Variants in FAIM2 observed in about 807,000 individuals in gnomAD.
FAIM2 encodes Fas apoptotic inhibitory molecule 2, also known as protein lifeguard 2.
In FAIM2, 27 loss-of-function variants were observed where a neutral mutation model predicts 47.4. The observed-to-expected ratio is 0.57, with a 90% CI of 0.42 to 0.78. The LOEUF (loss-of-function observed/expected upper bound fraction) is 0.78. Among genes scored for constraint, FAIM2 ranks in the 30% least tolerant of loss-of-function variants. FAIM2 has a pLI of 0.00. For synonymous variants in FAIM2, 156 were observed against 159.3 expected, an observed-to-expected ratio of 0.98 and a Z score of 0.16; for missense variants, 311 against 389.4, an observed-to-expected ratio of 0.80 and a Z score of 1.69.
intron 11 of FAIM2, among the ~76,000 whole-genome samples, chr12:49,871,437 A>AC (rs1490369082): frequency 6.6e-6 from 1 of 151,140 alleles, no homozygotes; most frequent in Non-Finnish European, 1.5e-5. Flanking sequence ...GCGCTGTGTC[A>AC]CCCCCCTGCC....
rs1946762521 is a variant in FAIM2 at position 49,878,499 on chromosome 12, T to G, written c.802-7846A>C. Reference sequence around the variant, plus strand: ...GTGCATGTGTGTATATGTATGTGCATGTGTGTATATGTGTGCATATGACTG... The same window carrying G: ...GTGCATGTGTGTATATGTATGTGCAGGTGTGTATATGTGTGCATATGACTG... On this transcript the variant is annotated intron_variant, in intron 11 of 11. Transcript: ENST00000320634. Among the ~76,000 whole-genome samples the G allele has an allele frequency of 2.2e-5, 2 of 89,440 alleles. 1 individual carries two copies. Among genetic ancestry groups the G allele is most frequent in the Admixed American group, 2.8e-4 (2 of 7,044 alleles). 58.7% of individuals were successfully genotyped at this position (89,440 alleles called of 152,430 possible). A position where few individuals can be genotyped will look rare whatever the true frequency, so the allele number is the denominator to read the frequency against.
intron 5 of FAIM2, 36 bp from the exon 6 acceptor site, chr12:49,891,150 C>A: frequency 6.2e-7 from 1 of 1,601,736 alleles, no homozygotes; most frequent in Non-Finnish European, 8.6e-7. Flanking sequence ...GTCAGCCAGC[C>A]TCTCCTGGGT....
At chr12:49,895,988 G>A (rs1474368455) in intron 5 of FAIM2, among the ~76,000 whole-genome samples, 2 of 152,168 alleles carry the variant, frequency 1.3e-5, no homozygotes, top group Admixed American at 6.5e-5. Context: ...GTGCATTCTC[G>A]CCCCACGCTT....
At chr12:49,893,367 G>A (rs1377983035) in intron 5 of FAIM2, among the ~76,000 whole-genome samples, 3 of 152,128 alleles carry the variant, frequency 2.0e-5, no homozygotes, top group African/African-American at 7.2e-5. Flanking sequence ...TGAGGCCTGG[G>A]TTAGAGGGGG....
At chr12:49,884,237 A>C (rs1209293190) in intron 11 of FAIM2, among the ~76,000 whole-genome samples, 1 of 151,656 alleles carries the variant, frequency 6.6e-6, no homozygotes, top group African/African-American at 2.4e-5. Flanking sequence ...AAAAAAAAAA[A>C]ACAAAAAACA....
chr12:49,876,916 C>A (rs369865995), intron 11 of FAIM2, among the ~76,000 whole-genome samples: 1 of 152,290 alleles, frequency 6.6e-6, no homozygotes, highest in African/African-American at 2.4e-5. Context: ...AAAGATGAGG[C>A]CAGTGAGGCA....
chr12:49,875,827 T>A lies in FAIM2; in HGVS notation c.802-5174A>T, dbSNP rs1163184139. ...CCCGTCTCTACTAAAAATACAAAAGTTAGCCAGGCGTGGTGGTGGGCACCT... is the reference window on the plus strand; with the variant it reads ...CCCGTCTCTACTAAAAATACAAAAGATAGCCAGGCGTGGTGGTGGGCACCT... On this transcript the variant is annotated intron_variant, in intron 11 of 11. Transcript: ENST00000320634. Among the ~76,000 whole-genome samples, 7 of 152,154 alleles carry A rather than the reference T, an allele frequency of 4.6e-5. No individual in the cohort carries two copies. In the East Asian group the frequency reaches 1.2e-3, roughly 25 times the overall value.
chr12:49,880,566 G>GTA (rs1565615130), intron 11 of FAIM2, among the ~76,000 whole-genome samples: 2 of 10,368 alleles, frequency 1.9e-4, no homozygotes, highest in African/African-American at 1.9e-3. Context: ...GTGTGCATGT[G>GTA]TGTATCTGTG....
intron 11 of FAIM2, among the ~76,000 whole-genome samples, chr12:49,873,654 C>T (rs74091013): frequency 0.027 from 4,135 of 152,200 alleles, 96 homozygotes; most frequent in African/African-American, 0.058. Context: ...GAAGCACCCA[C>T]GCAGGAGACC....
chr12:49,880,320 A>G (rs553749510), intron 11 of FAIM2, among the ~76,000 whole-genome samples: 2 of 145,880 alleles, frequency 1.4e-5, no homozygotes, highest in Non-Finnish European at 3.0e-5. Context: ...GTGTATGTGT[A>G]TGTGTGTCTG....
intron 2 of FAIM2, chr12:49,900,128 G>T: frequency 9.2e-7 from 1 of 1,086,918 alleles, no homozygotes; most frequent in Non-Finnish European, 1.2e-6. Context: ...GTGTAGGGAA[G>T]GGAGGAGGAC....
chr12:49,902,921 T>C (rs561176262), intron 1 of FAIM2: 19 of 151,838 alleles, frequency 1.3e-4, no homozygotes, highest in African/African-American at 4.4e-4. Context: ...GAGAGGAGGG[T>C]CTGAGGGTCC....
chr12:49,872,927 A>G (rs1268309810), intron 11 of FAIM2, among the ~76,000 whole-genome samples: 1 of 152,194 alleles, frequency 6.6e-6, no homozygotes, highest in Non-Finnish European at 1.5e-5. Flanking sequence ...AATGCTTGCT[A>G]TTATATTAAT....
At chr12:49,879,229 T>C (rs545255772) in intron 11 of FAIM2, among the ~76,000 whole-genome samples, 6,773 of 127,216 alleles carry the variant, frequency 0.053, 1,207 homozygotes, top group Non-Finnish European at 0.078. Flanking sequence ...TGCATGTGTG[T>C]ATGTATGCAT....
chr12:49,891,002 G>A, intron 6 of FAIM2, 62 bp downstream of exon 6: 1 of 1,543,474 alleles, frequency 6.5e-7, no homozygotes, highest in Non-Finnish European at 9.0e-7. Context: ...GCAGGGCTGG[G>A]GCCAGAATTT....
intron 2 of FAIM2, chr12:49,900,231 T>G (rs1353501414): frequency 4.7e-6 from 6 of 1,285,856 alleles, no homozygotes; most frequent in African/African-American, 1.5e-5. Context: ...TAGTGGGAGG[T>G]GTAGACCATG....
At chr12:49,885,206 T>C (rs1034654037) in intron 11 of FAIM2, among the ~76,000 whole-genome samples, 3 of 152,226 alleles carry the variant, frequency 2.0e-5, no homozygotes, top group Non-Finnish European at 4.4e-5. Flanking sequence ...AAGGGATTAC[T>C]GTTCACCCAG....
At chr12:49,872,219 G>A (rs564133290) in intron 11 of FAIM2, among the ~76,000 whole-genome samples, 6 of 152,306 alleles carry the variant, frequency 3.9e-5, no homozygotes, top group African/African-American at 1.2e-4. Flanking sequence ...CCCAGGAAAT[G>A]CACAATTAGG....
chr12:49,870,161 C>T lies in FAIM2; in HGVS notation c.*343G>A, dbSNP rs1406456261. On this transcript the variant is annotated 3_prime_UTR_variant, in exon 12 of 12. Coordinates refer to ENST00000320634, the MANE Select transcript of FAIM2 (RefSeq NM_012306.4). ...ATTGCAGTGGGGCTCAGGGCTCTGC[C>T]GGGCTTCCTGGGTCTCTCTCCTGCA... 4.2e-6 allele frequency: 1 copy of T among 238,952 alleles called. No homozygotes were observed. The highest frequency in any genetic ancestry group is 7.4e-5 in the South Asian group (1 of 13,534). The allele number at this position is 238,952 out of a possible 1,614,324, so 14.8% of individuals were successfully genotyped here. A position where few individuals can be genotyped will look rare whatever the true frequency, so the allele number is the denominator to read the frequency against.
Sources: allele counts gnomAD v4.1 joint callset (sites outside exome capture counted in the v4.1 genomes callset), GRCh38; gene constraint gnomAD v4.1.1; transcripts MANE v1.5; gene names NCBI Gene and HGNC (gene_info 2026-07-23, HGNC 2026-07-21).